ULK4: variants seen among roughly 807,000 people sequenced by gnomAD.
ULK4 encodes unc-51 like kinase 4.
Under a neutral mutation model 160.6 loss-of-function variants are expected in ULK4, and 133 were observed. The ratio of observed to expected loss-of-function variants is 0.83; its 90% CI spans 0.72 to 0.96. The LOEUF (loss-of-function observed/expected upper bound fraction) is 0.96. ULK4 is among the 40% of genes least tolerant of loss of function. The pLI is 0.00. For synonymous variants in ULK4, 534 were observed against 539.8 expected, an observed-to-expected ratio of 0.99 and a Z score of 0.15; for missense variants, 1,580 against 1,499.5, an observed-to-expected ratio of 1.05 and a Z score of -0.89.
intron 23 of ULK4, among the ~76,000 whole-genome samples, chr3:41,717,198 C>A (rs920415230): frequency 1.3e-5 from 2 of 152,062 alleles, no homozygotes; most frequent in Admixed American, 1.3e-4. Flanking sequence ...ACCCTAAATA[C>A]CCTGGCTTGA....
intron 34 of ULK4, among the ~76,000 whole-genome samples, chr3:41,414,724 G>A (rs561967073): frequency 1.3e-5 from 2 of 152,194 alleles, no homozygotes; most frequent in South Asian, 4.1e-4. Flanking sequence ...TATCACTCCT[G>A]CCCAAACTCA....
chr3:41,929,243 C>T (rs1387104156), intron 5 of ULK4, among the ~76,000 whole-genome samples: 5 of 152,142 alleles, frequency 3.3e-5, no homozygotes, highest in African/African-American at 7.2e-5. Flanking sequence ...CAAAAAACCA[C>T]ATGATTATCT....
At chr3:41,774,785 G>A (rs147161489) in intron 21 of ULK4, among the ~76,000 whole-genome samples, 5,057 of 150,594 alleles carry the variant, frequency 0.034, 150 homozygotes, top group Non-Finnish European at 0.054. Flanking sequence ...TATGTTTATT[G>A]CGGCACTACT....
intron 35 of ULK4, among the ~76,000 whole-genome samples, chr3:41,330,132 C>T (rs1431203596): frequency 6.6e-6 from 1 of 152,136 alleles, no homozygotes; most frequent in African/African-American, 2.4e-5. Flanking sequence ...GAGACAATGC[C>T]AGAGAGATTA....
At chr3:41,582,614 C>T (rs770494789) in intron 31 of ULK4, among the ~76,000 whole-genome samples, 19 of 152,180 alleles carry the variant, frequency 1.2e-4, no homozygotes, top group African/African-American at 3.9e-4. Context: ...TGCTTTCACA[C>T]GGCCCTGTTG....
intron 20 of ULK4, among the ~76,000 whole-genome samples, chr3:41,798,182 T>C (rs2040357479): frequency 6.6e-6 from 1 of 152,058 alleles, no homozygotes; most frequent in African/African-American, 2.4e-5. Context: ...AAAAAAAACT[T>C]TGCCAAAAAA....
At chr3:41,441,183 C>T (rs1001744082) in intron 34 of ULK4, among the ~76,000 whole-genome samples, 3 of 151,920 alleles carry the variant, frequency 2.0e-5, no homozygotes, top group African/African-American at 4.8e-5. Flanking sequence ...CTTCTACTTA[C>T]GTTGGGTTTA....
At chr3:41,525,500 G>A (rs1046437809) in intron 32 of ULK4, among the ~76,000 whole-genome samples, 13 of 152,270 alleles carry the variant, frequency 8.5e-5, no homozygotes, top group East Asian at 3.9e-4. Flanking sequence ...ATCAAAGGTC[G>A]GGACAAGAGT....
chr3:41,333,467 AAG>A (rs5848597), intron 35 of ULK4, among the ~76,000 whole-genome samples: 24,329 of 152,070 alleles, frequency 0.16, 2,395 homozygotes, highest in African/African-American at 0.27. Flanking sequence ...GGCTTGGGGA[AAG>A]AGAACCAAAA....
chr3:41,377,985 C>G (rs1053888366), intron 35 of ULK4, among the ~76,000 whole-genome samples: 2 of 151,516 alleles, frequency 1.3e-5, no homozygotes, highest in Admixed American at 6.6e-5. Flanking sequence ...AAATGTCCAA[C>G]AATGATAGAC....
At chr3:41,319,448 T>A (rs944657718) in intron 35 of ULK4, among the ~76,000 whole-genome samples, 10 of 152,214 alleles carry the variant, frequency 6.6e-5, no homozygotes, top group Non-Finnish European at 1.2e-4. Context: ...TTAAGTACTG[T>A]CAATTTCAAG....
intron 34 of ULK4, among the ~76,000 whole-genome samples, chr3:41,403,427 A>ATAT (rs2082226167): frequency 6.6e-6 from 1 of 152,162 alleles, no homozygotes; most frequent in Admixed American, 6.5e-5. Context: ...ATGGTTGCAG[A>ATAT]TATACACTGA....
intron 35 of ULK4, among the ~76,000 whole-genome samples, chr3:41,336,057 A>G (rs918116333): frequency 6.6e-6 from 1 of 152,178 alleles, no homozygotes; most frequent in Admixed American, 6.5e-5. Flanking sequence ...TGCCTATGTG[A>G]TCTTTGCCAT....
chr3:41,397,712 C>A lies in ULK4; in HGVS notation c.3678+367G>T, dbSNP rs75495315. Among the ~76,000 whole-genome samples, 368 of 152,134 alleles carry A rather than the reference C, an allele frequency of 2.4e-3. 2 individuals are homozygous for A. Among genetic ancestry groups the A allele is most frequent in the East Asian group, 0.015 (79 of 5,166 alleles). On this transcript the variant is annotated intron_variant, in intron 35 of 36. Transcript: ENST00000301831. ...ATGAAAGTTACTGGGACAGCTGACC[C>A]AACTAGAATATGGACAGAAGACTGG...
At chr3:41,263,817 T>G (rs1157078337) in intron 35 of ULK4, among the ~76,000 whole-genome samples, 1 of 152,202 alleles carries the variant, frequency 6.6e-6, no homozygotes, top group Admixed American at 6.5e-5. Flanking sequence ...TAAAGGATCC[T>G]ACAAATATTA....
chr3:41,343,951 C>A (rs2080744418), intron 35 of ULK4, among the ~76,000 whole-genome samples: 1 of 152,162 alleles, frequency 6.6e-6, no homozygotes, highest in Non-Finnish European at 1.5e-5. Flanking sequence ...TTAGCAATGA[C>A]ATTCTTCACA....
chr3:41,453,353 T>C (rs752009870), intron 34 of ULK4, among the ~76,000 whole-genome samples: 1 of 152,102 alleles, frequency 6.6e-6, no homozygotes, highest in Non-Finnish European at 1.5e-5. Flanking sequence ...ATTTTAAACA[T>C]TTTTGTAGAG....
chr3:41,950,367 A>T (rs1429868951), intron 2 of ULK4, among the ~76,000 whole-genome samples: 2 of 152,076 alleles, frequency 1.3e-5, no homozygotes, highest in Admixed American at 1.3e-4. Flanking sequence ...CAGCCTCCCA[A>T]GTAGCTGTGA....
intron 22 of ULK4, among the ~76,000 whole-genome samples, chr3:41,718,358 CT>C (rs576118942): frequency 1.2e-3 from 190 of 152,242 alleles, no homozygotes; most frequent in Non-Finnish European, 2.2e-3. Flanking sequence ...TTTTACGTGT[CT>C]CTTTATCTAC....
Sources: gnomAD v4.1 joint callset for allele counts (sites outside exome capture counted in the v4.1 genomes callset) on GRCh38, gnomAD v4.1.1 for gene constraint, MANE v1.5 for transcripts, NCBI Gene and HGNC (gene_info 2026-07-23, HGNC 2026-07-21) for gene names.